The following ARHGEF10 variants were observed in gnomAD, a reference collection of about 807,000 sequenced individuals.
ARHGEF10 encodes Rho guanine nucleotide exchange factor 10.
In ARHGEF10, 140 loss-of-function variants were observed where a neutral mutation model predicts 147.4. That is an observed-to-expected ratio of 0.95 (90% CI 0.83 to 1.09). ARHGEF10 has a LOEUF of 1.09. Among genes scored for constraint, ARHGEF10 ranks in the 50% least tolerant of loss-of-function variants. The pLI is 0.00. For missense variants in ARHGEF10, 2,222 were observed against 1,752.7 expected, an observed-to-expected ratio of 1.27 and a Z score of -4.78; for synonymous variants, 902 against 695.8, an observed-to-expected ratio of 1.30 and a Z score of -4.67.
chr8:1,895,565 AT>A (rs146628813), intron 13 of ARHGEF10, among the ~76,000 whole-genome samples: 2 of 151,796 alleles, frequency 1.3e-5, no homozygotes, highest in African/African-American at 4.8e-5. Context: ...TTGTTATTGG[AT>A]TTTTTTTCTG....
rs1317154061 is a variant in ARHGEF10, at chr8:1,834,173, C to T, written c.-47-9180C>T. Reference sequence around the variant, plus strand: ...TGGTGGCCGGTCCGGGGCTGCTTGTCCCCTCCCCAGCATGTGGCGCAGAGA... The same window carrying T: ...TGGTGGCCGGTCCGGGGCTGCTTGTTCCCTCCCCAGCATGTGGCGCAGAGA... On this transcript the variant is annotated intron_variant, in intron 1 of 28. Coordinates refer to ENST00000349830, the MANE Select transcript of ARHGEF10 (RefSeq NM_014629.4). Among the ~76,000 whole-genome samples the T allele has an allele frequency of 3.9e-5, 6 of 152,354 alleles. No homozygotes were observed. The East Asian group carries it at 9.6e-4, about 25-fold the overall frequency.
chr8:1,924,563 G>C (rs537794929), intron 21 of ARHGEF10, among the ~76,000 whole-genome samples: 1 of 152,206 alleles, frequency 6.6e-6, no homozygotes, highest in Admixed American at 6.5e-5. Context: ...CGTGGGTAAC[G>C]CCATTGCCCC....
At chr8:1,882,882 G>A in intron 10 of ARHGEF10, 133 bp downstream of exon 10, 1 of 826,730 alleles carries the variant, frequency 1.2e-6, no homozygotes, top group Non-Finnish European at 2.0e-6. Flanking sequence ...CCTGCTCAGT[G>A]CTTGGGTCTG....
intron 23 of ARHGEF10, chr8:1,926,994 G>A (rs921119870): frequency 5.6e-5 from 12 of 214,018 alleles, no homozygotes; most frequent in African/African-American, 2.1e-4. Flanking sequence ...CCTCAGACTC[G>A]CCCTCCAGGG....
intron 5 of ARHGEF10, 79 bp from the exon 6 acceptor site, chr8:1,866,447 A>T: frequency 9.5e-7 from 1 of 1,054,820 alleles, no homozygotes; most frequent in East Asian, 2.5e-5. Flanking sequence ...ACACACACAC[A>T]CACTCTGCAG....
intron 1 of ARHGEF10, among the ~76,000 whole-genome samples, chr8:1,839,207 G>A (rs1195403018): frequency 7.3e-6 from 1 of 137,302 alleles, no homozygotes; most frequent in East Asian, 2.3e-4. Context: ...GGACTGTTTT[G>A]TGTGGGGACT....
intron 18 of ARHGEF10, among the ~76,000 whole-genome samples, chr8:1,910,148 C>T (rs1427673761): frequency 6.6e-6 from 1 of 151,900 alleles, no homozygotes; most frequent in Non-Finnish European, 1.5e-5. Flanking sequence ...TTGGGCTCTA[C>T]CCCTGAATTG....
intron 15 of ARHGEF10, among the ~76,000 whole-genome samples, chr8:1,900,580 G>A (rs554963991): frequency 8.7e-4 from 132 of 152,292 alleles, no homozygotes; most frequent in African/African-American, 3.0e-3. Flanking sequence ...GCTGTCGGAC[G>A]GGCATGGCCT....
At chr8:1,875,344 T>C (rs2129107291) in intron 7 of ARHGEF10, among the ~76,000 whole-genome samples, 1 of 152,186 alleles carries the variant, frequency 6.6e-6, no homozygotes, top group South Asian at 2.1e-4. Context: ...AGTCCCCTAG[T>C]ACATGGTAGA....
chr8:1,831,784 G>A (rs752413102), intron 1 of ARHGEF10, among the ~76,000 whole-genome samples: 9 of 152,358 alleles, frequency 5.9e-5, no homozygotes, highest in South Asian at 4.1e-4. Flanking sequence ...TGCTCCTGAT[G>A]GAGTCACTTT....
At chr8:1,907,892 T>A (rs892637898) in intron 17 of ARHGEF10, among the ~76,000 whole-genome samples, 9 of 152,226 alleles carry the variant, frequency 5.9e-5, no homozygotes, top group African/African-American at 2.4e-5. Flanking sequence ...GTCGGCCCTG[T>A]GAACATTAAG....
chr8:1,923,707 G>C (rs1490728842), intron 20 of ARHGEF10, 67 bp from the exon 21 acceptor site: 1 of 1,612,568 alleles, frequency 6.2e-7, no homozygotes, highest in Non-Finnish European at 8.5e-7. Flanking sequence ...CAGGCAAAAT[G>C]TGTAATTTAA....
In ARHGEF10 at chr8:1,886,739, C is replaced by T. The variant is rs976809799; in HGVS notation, c.1182+1032C>T. On this transcript the variant is annotated intron_variant, in intron 11 of 28. Coordinates refer to ENST00000349830, the MANE Select transcript of ARHGEF10 (RefSeq NM_014629.4). ...CACTGCATTTCATCCTTGCAAATCC[C>T]GTTGCCATCCTTGTGTACTCTGTAA... Among the ~76,000 whole-genome samples, 9 of 152,296 alleles carry T rather than the reference C, an allele frequency of 5.9e-5. No individual in the cohort carries two copies. The East Asian group carries it at 1.2e-3, about 20-fold the overall frequency.
At chr8:1,913,694 T>C (rs11996630) in intron 18 of ARHGEF10, among the ~76,000 whole-genome samples, 22,447 of 152,252 alleles carry the variant, frequency 0.15, 1,766 homozygotes, top group Middle Eastern at 0.17. Context: ...CTGTGTGTTC[T>C]CAGAACTTTG....
At chr8:1,880,718 A>C (rs906731944) in intron 9 of ARHGEF10, among the ~76,000 whole-genome samples, 1 of 152,280 alleles carries the variant, frequency 6.6e-6, no homozygotes, top group Middle Eastern at 3.4e-3. Flanking sequence ...GTGTCGTGAC[A>C]GTCTGTTCTG....
chr8:1,827,057 G>A (rs1333003657), intron 1 of ARHGEF10, among the ~76,000 whole-genome samples: 3 of 152,218 alleles, frequency 2.0e-5, no homozygotes, highest in Admixed American at 1.3e-4. Flanking sequence ...ACCAGCAGGG[G>A]TCCTTGCCTG....
intron 4 of ARHGEF10, among the ~76,000 whole-genome samples, chr8:1,862,883 G>A (rs1414829801): frequency 9.4e-5 from 14 of 148,582 alleles, no homozygotes; most frequent in Admixed American, 2.7e-4. Context: ...GGTTCACACC[G>A]TTCTCCTGCC....
chr8:1,862,760 C>T (rs1269851271), intron 4 of ARHGEF10, among the ~76,000 whole-genome samples: 1 of 150,346 alleles, frequency 6.7e-6, no homozygotes, highest in Non-Finnish European at 1.5e-5. Flanking sequence ...TGTTTCTTTT[C>T]CTTTTTTTCT....
At chr8:1,901,632 C>T (rs1040655868) in intron 15 of ARHGEF10, among the ~76,000 whole-genome samples, 7 of 152,254 alleles carry the variant, frequency 4.6e-5, no homozygotes, top group Admixed American at 1.3e-4. Context: ...GCTGCCAGCC[C>T]GGCGGATGCC....
Sources: allele counts gnomAD v4.1 joint callset (sites outside exome capture counted in the v4.1 genomes callset), GRCh38; gene constraint gnomAD v4.1.1; transcripts MANE v1.5; gene names NCBI Gene and HGNC (gene_info 2026-07-23, HGNC 2026-07-21).